Variants in GABRG3 observed in about 807,000 individuals in gnomAD.
The protein encoded by GABRG3 is gamma-aminobutyric acid type A receptor subunit gamma3.
GABRG3 carries 25 observed loss-of-function variants against 48.8 expected under a neutral mutation model. That is an observed-to-expected ratio of 0.51 (90% CI 0.37 to 0.72). The LOEUF (loss-of-function observed/expected upper bound fraction) is 0.72, where lower values mean the gene tolerates loss of function less well. GABRG3 is among the 30% of genes least tolerant of loss of function. The pLI is 0.00. For missense variants in GABRG3, 394 were observed against 577.9 expected (o/e 0.68, Z 3.26); for synonymous variants, 227 against 217.6 (o/e 1.04, Z -0.38).
intron 3 of GABRG3, among the ~76,000 whole-genome samples, chr15:27,290,185 A>T (rs1825481906): frequency 6.6e-6 from 1 of 152,202 alleles, no homozygotes; most frequent in Non-Finnish European, 1.5e-5. Flanking sequence ...AAATACATAA[A>T]GTAATATTGG....
rs536151192 is a variant in GABRG3, at chr15:27,353,267, C to G, written c.574+24379C>G. Among the ~76,000 whole-genome samples the G allele has an allele frequency of 9.8e-4, 149 of 152,104 alleles. 2 individuals are homozygous for G. The Middle Eastern group carries it at 0.01, about 10-fold the overall frequency. On this transcript the variant is annotated intron_variant, in intron 5 of 9. Coordinates refer to ENST00000615808, the MANE Select transcript of GABRG3 (RefSeq NM_033223.5). ...ACCATGGCCCCAAGGCTTCCCAGTACCTGCCTAGCCACTCTGCTTGCTCCT... is the reference window on the plus strand; with the variant it reads ...ACCATGGCCCCAAGGCTTCCCAGTAGCTGCCTAGCCACTCTGCTTGCTCCT...
intron 3 of GABRG3, among the ~76,000 whole-genome samples, chr15:27,146,857 G>A (rs1015339274): frequency 6.6e-6 from 1 of 151,138 alleles, no homozygotes; most frequent in Non-Finnish European, 1.5e-5. Context: ...TAACACAAAA[G>A]AAGGCAAAAG....
intron 6 of GABRG3, among the ~76,000 whole-genome samples, chr15:27,492,523 C>T (rs1216749436): frequency 6.6e-6 from 1 of 152,188 alleles, no homozygotes; most frequent in Non-Finnish European, 1.5e-5. Flanking sequence ...GAAGCCCTGT[C>T]CCAGCCTCTG....
At chr15:27,102,530 G>T (rs985674083) in intron 3 of GABRG3, among the ~76,000 whole-genome samples, 2 of 152,150 alleles carry the variant, frequency 1.3e-5, no homozygotes, top group African/African-American at 4.8e-5. Flanking sequence ...GGCTCACTGG[G>T]TGAGAGGATT....
At chr15:27,318,946 G>A (rs1003332387) in intron 3 of GABRG3, among the ~76,000 whole-genome samples, 3 of 152,160 alleles carry the variant, frequency 2.0e-5, no homozygotes, top group African/African-American at 4.8e-5. Context: ...GTTAAGTTCC[G>A]CAGGCCTAAT....
Position 27,090,947 on chromosome 15 carries a change from A to G in GABRG3, c.270+64126A>G, listed in dbSNP as rs1256128253. Among the ~76,000 whole-genome samples the G allele has an allele frequency of 4.6e-5, 7 of 152,160 alleles. No individual in the cohort carries two copies. In the South Asian group the frequency reaches 8.3e-4, roughly 18 times the overall value. On this transcript the variant is annotated intron_variant, in intron 3 of 9. Transcript: ENST00000615808. ...ATACATATAAGGGTGTATCATATGT[A>G]AGTAAAGATAGTTTTATTTCTTCCT...
At chr15:27,044,583 C>T (rs1896331485) in intron 3 of GABRG3, among the ~76,000 whole-genome samples, 1 of 152,112 alleles carries the variant, frequency 6.6e-6, no homozygotes, top group South Asian at 2.1e-4. Context: ...TGATAAAGTA[C>T]AATGCCAGTG....
At position 27,525,184 on chromosome 15, in the gene GABRG3, A is replaced by T. The variant is rs552921163; in HGVS notation, c.866-2249A>T. ...TCAAGGGCATTGTGCTGAATGAAAA[A>T]AAAACAAAGCCAATATCAAAATGTG... On this transcript the variant is annotated intron_variant, in intron 7 of 9. Coordinates refer to ENST00000615808, the MANE Select transcript of GABRG3 (RefSeq NM_033223.5). Among the ~76,000 whole-genome samples the T allele has an allele frequency of 4.2e-3, 444 of 106,136 alleles. 2 individuals carry two copies. The highest frequency in any genetic ancestry group is 0.015 in the African/African-American group (429 of 28,670). The allele number at this position is 106,136 out of a possible 152,430, so 69.6% of individuals were successfully genotyped here. A position where few individuals can be genotyped will look rare whatever the true frequency, so the allele number is the denominator to read the frequency against.
intron 5 of GABRG3, among the ~76,000 whole-genome samples, chr15:27,406,967 A>T (rs539242239): frequency 2.0e-5 from 3 of 152,152 alleles, no homozygotes; most frequent in Admixed American, 2.0e-4. Context: ...TGGCTCTGTC[A>T]CCCAGGCTGG....
chr15:27,358,762 T>C lies in GABRG3; in HGVS notation c.574+29874T>C, dbSNP rs116556811. ...AAACACACAGATCAAGCTCTTTCTA[T>C]GGGCTAAGTGGTGTGCCCCCGAAAA... is the stretch of plus-strand genomic sequence containing the variant. On this transcript the variant is annotated intron_variant, in intron 5 of 9. Transcript: ENST00000615808. Among the ~76,000 whole-genome samples, 980 of 152,338 alleles carry C rather than the reference T, an allele frequency of 6.4e-3. 17 individuals carry two copies. The highest frequency in any genetic ancestry group is 0.023 in the African/African-American group (939 of 41,588).
chr15:27,118,338 C>T (rs1897676940), intron 3 of GABRG3, among the ~76,000 whole-genome samples: 1 of 152,176 alleles, frequency 6.6e-6, no homozygotes, highest in Admixed American at 6.5e-5. Context: ...CATTGACTAA[C>T]ATGGCATTTC....
At chr15:27,034,563 A>G (rs1209009664) in intron 3 of GABRG3, among the ~76,000 whole-genome samples, 1 of 152,146 alleles carries the variant, frequency 6.6e-6, no homozygotes, top group Non-Finnish European at 1.5e-5. Context: ...GGAGCCACAC[A>G]AGCTTTGTGG....
chr15:27,271,438 G>A (rs1297733590), intron 3 of GABRG3: 1 of 400,440 alleles, frequency 2.5e-6, no homozygotes, highest in Non-Finnish European at 5.0e-6. Context: ...AGGTGCTGCA[G>A]ATGAATGAGG....
rs1247806079 is a variant in GABRG3, at chr15:27,328,884, C to A, written c.570C>A (p.Ser190=). ...AACACTCCTGCCCGCTGATTTTCTC[C>A]AGCTGTGAGTACCAGTCCAAGCCCG... ...MDEHSCPLIF[S]SYGYPKEEMI... The change falls in exon 5 of 10, where the codon TCC becomes TCA. Residue 190 remains serine, a synonymous_variant. Transcript: ENST00000615808. The A allele has an allele frequency of 2.5e-6, 4 of 1,613,812 alleles. No homozygotes were observed. In the South Asian group the frequency reaches 4.4e-5, roughly 18 times the overall value.
intron 3 of GABRG3, chr15:27,271,661 C>T (rs1404622757): frequency 2.2e-6 from 1 of 454,956 alleles, no homozygotes; most frequent in Non-Finnish European, 4.4e-6. Flanking sequence ...CTTACAGCCT[C>T]CCCTGGGAAC....
chr15:27,109,254 C>T (rs1897502828), intron 3 of GABRG3, among the ~76,000 whole-genome samples: 1 of 152,132 alleles, frequency 6.6e-6, no homozygotes, highest in Non-Finnish European at 1.5e-5. Context: ...CCCATAGAGT[C>T]CTTCTCCCAC....
At chr15:27,333,516 G>A (rs1015876944) in intron 5 of GABRG3, among the ~76,000 whole-genome samples, 4 of 152,106 alleles carry the variant, frequency 2.6e-5, no homozygotes, top group Admixed American at 6.5e-5. Flanking sequence ...AGCTCCCCTG[G>A]TTTTGAAGAC....
chr15:27,156,882 G>A (rs1329726023), intron 3 of GABRG3, among the ~76,000 whole-genome samples: 1 of 152,116 alleles, frequency 6.6e-6, no homozygotes, highest in African/African-American at 2.4e-5. Flanking sequence ...TGCCACCACT[G>A]ATTTCTAAGC....
intron 5 of GABRG3, among the ~76,000 whole-genome samples, chr15:27,409,189 G>C (rs1269747992): frequency 6.6e-6 from 1 of 152,004 alleles, no homozygotes; most frequent in Non-Finnish European, 1.5e-5. Context: ...TGTCTAGACT[G>C]CTGTCTGAAA....
Sources: gnomAD v4.1 joint callset for allele counts (sites outside exome capture counted in the v4.1 genomes callset) on GRCh38, gnomAD v4.1.1 for gene constraint, MANE v1.5 for transcripts, NCBI Gene and HGNC (gene_info 2026-07-23, HGNC 2026-07-21) for gene names.